SEMA6D: variants seen among roughly 807,000 people sequenced by gnomAD.
SEMA6D encodes semaphorin 6D, also known as semaphorin-6D.
Under a neutral mutation model 106.6 loss-of-function variants are expected in SEMA6D, and 35 were observed. The ratio of observed to expected loss-of-function variants is 0.33; its 90% CI spans 0.25 to 0.44. The LOEUF (loss-of-function observed/expected upper bound fraction) is 0.44. Ranked by LOEUF, SEMA6D falls within the 20% of genes least tolerant of loss-of-function variation. SEMA6D has a pLI of 1.00. For missense variants in SEMA6D, 1,185 were observed against 1,345.9 expected (o/e 0.88, Z 1.87); for synonymous variants, 499 against 487.7 (o/e 1.02, Z -0.31).
At chr15:47,361,249 C>G (rs1051813447) in intron 1 of SEMA6D, among the ~76,000 whole-genome samples, 1 of 152,328 alleles carries the variant, frequency 6.6e-6, no homozygotes, top group Non-Finnish European at 1.5e-5. Flanking sequence ...GCCCCCTGAA[C>G]AGTCATCTCT....
chr15:47,418,697 G>A (rs1490956176), intron 2 of SEMA6D, among the ~76,000 whole-genome samples: 1 of 152,056 alleles, frequency 6.6e-6, no homozygotes, highest in Non-Finnish European at 1.5e-5. Flanking sequence ...CTCAGGGTGG[G>A]TAGGGAAGGC....
intron 1 of SEMA6D, among the ~76,000 whole-genome samples, chr15:47,372,054 G>A (rs1020390645): frequency 6.6e-6 from 1 of 152,194 alleles, no homozygotes; most frequent in Non-Finnish European, 1.5e-5. Context: ...ACAATGTAGT[G>A]TATTTGCCTG....
intron 2 of SEMA6D, among the ~76,000 whole-genome samples, chr15:47,429,112 TC>T (rs1350451755): frequency 6.6e-6 from 1 of 151,912 alleles, no homozygotes; most frequent in Non-Finnish European, 1.5e-5. Context: ...GTGTAAGGCT[TC>T]CTGAGAAGAG....
At chr15:47,662,141 T>A (rs889997093) in intron 4 of SEMA6D, among the ~76,000 whole-genome samples, 2 of 152,068 alleles carry the variant, frequency 1.3e-5, no homozygotes, top group Non-Finnish European at 2.9e-5. Context: ...GGGCAGTAGG[T>A]TGCAGTAGTT....
chr15:47,261,712 CCTTT>C (rs2034083920), intron 1 of SEMA6D, among the ~76,000 whole-genome samples: 1 of 152,154 alleles, frequency 6.6e-6, no homozygotes, highest in African/African-American at 2.4e-5. Flanking sequence ...CTAATGAATT[CCTTT>C]CTGTTTCTAT....
At chr15:47,609,790 G>A (rs145584445) in intron 4 of SEMA6D, among the ~76,000 whole-genome samples, 142 of 152,206 alleles carry the variant, frequency 9.3e-4, no homozygotes, top group African/African-American at 3.2e-3. Context: ...AGGTGATACC[G>A]CATGTGTACT....
chr15:47,451,712 C>T (rs1005772019), intron 2 of SEMA6D, among the ~76,000 whole-genome samples: 8 of 151,986 alleles, frequency 5.3e-5, no homozygotes, highest in African/African-American at 1.9e-4. Flanking sequence ...CCTTTGTTCT[C>T]ACTGTTTCCT....
intron 3 of SEMA6D, among the ~76,000 whole-genome samples, chr15:47,493,481 CA>C (rs761800142): frequency 6.6e-6 from 1 of 152,106 alleles, no homozygotes; most frequent in Non-Finnish European, 1.5e-5. Context: ...AAGCAGTTAC[CA>C]ATGCTGGGCA....
chr15:47,585,881 C>T (rs1011882274), intron 3 of SEMA6D, among the ~76,000 whole-genome samples: 1 of 152,202 alleles, frequency 6.6e-6, no homozygotes, highest in Non-Finnish European at 1.5e-5. Flanking sequence ...TGGCACCAGC[C>T]TGCAGCCCTA....
intron 4 of SEMA6D, among the ~76,000 whole-genome samples, chr15:47,647,508 T>A (rs1318518294): frequency 6.6e-6 from 1 of 152,210 alleles, no homozygotes; most frequent in Non-Finnish European, 1.5e-5. Context: ...TAGGTTCACA[T>A]ACATTTCCAT....
At chr15:47,653,409 T>TA (rs1351907826) in intron 4 of SEMA6D, among the ~76,000 whole-genome samples, 2 of 152,190 alleles carry the variant, frequency 1.3e-5, no homozygotes, top group Non-Finnish European at 2.9e-5. Flanking sequence ...CATTCCCTAA[T>TA]ACTCACGCAT....
rs559955256 is a variant in SEMA6D, at chr15:47,410,131, C to T, written c.-238-2262C>T. On this transcript the variant is annotated intron_variant, in intron 1 of 19. Transcript: ENST00000558014. Reference sequence around the variant, plus strand: ...CTGGGACCACAGGCATGTGCCACCACGCCCAGCTAATTGTTTTTGTATTTT... The same window carrying T: ...CTGGGACCACAGGCATGTGCCACCATGCCCAGCTAATTGTTTTTGTATTTT... Among the ~76,000 whole-genome samples, 57 of 149,952 alleles carry T rather than the reference C, an allele frequency of 3.8e-4. No homozygotes were observed. The East Asian group carries it at 8.7e-3, about 23-fold the overall frequency.
chr15:47,761,632 G>A, intron 6 of SEMA6D, 29 bp from the exon 7 acceptor site: 1 of 1,536,612 alleles, frequency 6.5e-7, no homozygotes, highest in South Asian at 1.2e-5. Context: ...GAATAGATAT[G>A]ACACTGGCTA....
At chr15:47,680,652 G>T (rs1022246773) in intron 4 of SEMA6D, among the ~76,000 whole-genome samples, 1 of 152,102 alleles carries the variant, frequency 6.6e-6, no homozygotes, top group Non-Finnish European at 1.5e-5. Context: ...ACAATTACTA[G>T]ATGGTGTAAT....
chr15:47,294,778 G>T (rs1400930690), intron 1 of SEMA6D, among the ~76,000 whole-genome samples: 1 of 152,088 alleles, frequency 6.6e-6, no homozygotes, highest in African/African-American at 2.4e-5. Flanking sequence ...TAATTGAAAG[G>T]CTACCTATAA....
chr15:47,746,528 C>T (rs74011232), intron 1 of SEMA6D, among the ~76,000 whole-genome samples: 2,267 of 152,302 alleles, frequency 0.015, 60 homozygotes, highest in African/African-American at 0.052. Context: ...TCATGGAGTA[C>T]ATTGAAAGCT....
At chr15:47,679,583 CTTTT>C (rs1424262919) in intron 4 of SEMA6D, among the ~76,000 whole-genome samples, 5 of 139,454 alleles carry the variant, frequency 3.6e-5, no homozygotes, top group Admixed American at 7.1e-5. Context: ...AGGCAATACC[CTTTT>C]TTTGTTTGTT....
intron 2 of SEMA6D, among the ~76,000 whole-genome samples, chr15:47,453,538 G>A (rs1716999973): frequency 6.6e-6 from 1 of 151,878 alleles, no homozygotes; most frequent in Non-Finnish European, 1.5e-5. Context: ...GAAAGAGCTG[G>A]GAATGTTACT....
intron 1 of SEMA6D, among the ~76,000 whole-genome samples, chr15:47,214,671 C>G (rs1390744989): frequency 6.6e-6 from 1 of 152,088 alleles, no homozygotes; most frequent in African/African-American, 2.4e-5. Context: ...TCTTTCTGCC[C>G]TGATACAAAT....
Sources: gnomAD v4.1 joint callset for allele counts (sites outside exome capture counted in the v4.1 genomes callset) on GRCh38, gnomAD v4.1.1 for gene constraint, MANE v1.5 for transcripts, NCBI Gene and HGNC (gene_info 2026-07-23, HGNC 2026-07-21) for gene names.